Variants in GRIP1 observed in about 807,000 individuals in gnomAD.
GRIP1 encodes glutamate receptor interacting protein 1, also known as glutamate receptor-interacting protein 1.
A neutral mutation model predicts 129.9 loss-of-function variants in GRIP1; 45 were observed. The observed-to-expected ratio is 0.35, with a 90% CI of 0.27 to 0.44. The LOEUF (loss-of-function observed/expected upper bound fraction) is 0.44, where lower values mean the gene tolerates loss of function less well. Among genes scored for constraint, GRIP1 ranks in the 20% least tolerant of loss-of-function variants. GRIP1 has a pLI of 1.00. For missense variants in GRIP1, 1,196 were observed against 1,396.8 expected (o/e 0.86, Z 2.29); for synonymous variants, 530 against 520.8 (o/e 1.02, Z -0.24).
chr12:66,949,530 A>G (rs2041721835), intron 1 of GRIP1, among the ~76,000 whole-genome samples: 2 of 152,226 alleles, frequency 1.3e-5, no homozygotes, highest in Admixed American at 1.3e-4. Context: ...TTAAAGATGA[A>G]TTAAAAAAGT....
chr12:66,619,132 A>G lies in GRIP1; in HGVS notation c.56-22205T>C, dbSNP rs575968982. ...CCCAAGGAATGAAGATCAAGATAAG[A>G]CAAAATAAGATAAACTAGAACATAT... On this transcript the variant is annotated intron_variant, in intron 1 of 24. Transcript: ENST00000359742. Among the ~76,000 whole-genome samples the G allele has an allele frequency of 5.3e-5, 8 of 152,268 alleles. No individual in the cohort carries two copies. In the South Asian group the frequency reaches 1.0e-3, roughly 20 times the overall value.
At chr12:66,740,188 T>C (rs1048382708) in intron 1 of GRIP1, among the ~76,000 whole-genome samples, 4 of 152,212 alleles carry the variant, frequency 2.6e-5, no homozygotes, top group African/African-American at 9.7e-5. Flanking sequence ...AGATCACTGA[T>C]GATGAATATA....
intron 1 of GRIP1, among the ~76,000 whole-genome samples, chr12:66,841,103 A>G (rs994561972): frequency 1.3e-5 from 2 of 152,206 alleles, no homozygotes; most frequent in Admixed American, 6.5e-5. Flanking sequence ...CCATATTTTT[A>G]TCTGCAAAAT....
intron 1 of GRIP1, among the ~76,000 whole-genome samples, chr12:66,824,851 C>T (rs929681187): frequency 3.3e-5 from 5 of 151,896 alleles, no homozygotes; most frequent in Non-Finnish European, 7.4e-5. Context: ...TATGATAGCA[C>T]AAAATCATAT....
At chr12:66,998,277 A>C (rs192404816) in intron 1 of GRIP1, among the ~76,000 whole-genome samples, 31 of 152,334 alleles carry the variant, frequency 2.0e-4, no homozygotes, top group Middle Eastern at 3.4e-3. Flanking sequence ...TTCTATTAGA[A>C]AGGCTGGACC....
At chr12:66,386,749 C>G (rs1421053717) in intron 19 of GRIP1, among the ~76,000 whole-genome samples, 1 of 152,174 alleles carries the variant, frequency 6.6e-6, no homozygotes, top group Non-Finnish European at 1.5e-5. Flanking sequence ...GGAAAGAGAG[C>G]CAGTTAATTC....
intron 2 of GRIP1, among the ~76,000 whole-genome samples, chr12:66,576,262 T>A (rs1448156247): frequency 6.6e-6 from 1 of 152,240 alleles, no homozygotes. Flanking sequence ...GAGGATGGAC[T>A]ACCATGAACT....
In GRIP1 at chr12:66,347,739, T is replaced by G. The variant is rs939957928; in HGVS notation, c.*1280A>C. On this transcript the variant is annotated 3_prime_UTR_variant, in exon 25 of 25. Coordinates refer to ENST00000359742, the MANE Select transcript of GRIP1 (RefSeq NM_001366722.1). ...AATGTGATTGAAATAATATTTTTTTTGCACAAAAAGAAAGGTGATTTTTTT... is the reference window on the plus strand; with the variant it reads ...AATGTGATTGAAATAATATTTTTTTGGCACAAAAAGAAAGGTGATTTTTTT... The G allele has an allele frequency of 1.4e-5, 2 of 144,490 alleles. No homozygotes were observed. Among genetic ancestry groups the G allele is most frequent in the Non-Finnish European group, 1.5e-5 (1 of 66,462 alleles). The allele number at this position is 144,490 out of a possible 1,614,324, so 9.0% of individuals were successfully genotyped here.
intron 1 of GRIP1, among the ~76,000 whole-genome samples, chr12:66,728,519 G>T (rs980157243): frequency 2.6e-5 from 4 of 152,168 alleles, no homozygotes; most frequent in Non-Finnish European, 5.9e-5. Flanking sequence ...CCTTTCTCTG[G>T]AAGGGCACTT....
At chr12:66,862,733 C>T (rs11176462) in intron 1 of GRIP1, among the ~76,000 whole-genome samples, 12,807 of 152,020 alleles carry the variant, frequency 0.084, 588 homozygotes, top group Admixed American at 0.11. Context: ...TATCAACCTC[C>T]GAGGGATGAA....
chr12:66,979,227 A>AG (rs1566103908), intron 1 of GRIP1, among the ~76,000 whole-genome samples: 40 of 115,084 alleles, frequency 3.5e-4, no homozygotes, highest in African/African-American at 1.4e-3. Context: ...CTTCTTAAAA[A>AG]AAAAAAAAAA....
At chr12:66,479,087 A>AT (rs2059718816) in intron 7 of GRIP1, among the ~76,000 whole-genome samples, 1 of 119,682 alleles carries the variant, frequency 8.4e-6, no homozygotes, top group Non-Finnish European at 1.7e-5. Context: ...GTAGCCCTAA[A>AT]ATGTGAGAGA....
intron 1 of GRIP1, among the ~76,000 whole-genome samples, chr12:66,930,706 C>T (rs146072561): frequency 6.6e-6 from 1 of 152,244 alleles, no homozygotes; most frequent in Middle Eastern, 3.4e-3. Context: ...AATCCTTAAG[C>T]TTGATGACTC....
intron 14 of GRIP1, among the ~76,000 whole-genome samples, chr12:66,427,805 TAA>T (rs1271920055): frequency 6.6e-6 from 1 of 152,182 alleles, no homozygotes; most frequent in East Asian, 1.9e-4. Context: ...TTGCGGATCC[TAA>T]GTTTTTAGAC....
intron 1 of GRIP1, among the ~76,000 whole-genome samples, chr12:66,751,643 G>T (rs1319375247): frequency 1.3e-5 from 2 of 152,108 alleles, no homozygotes; most frequent in African/African-American, 4.8e-5. Context: ...TTCATGACTG[G>T]CTCTTAGGCA....
At chr12:66,827,000 TTCTC>T (rs1193474736) in intron 1 of GRIP1, among the ~76,000 whole-genome samples, 1 of 152,204 alleles carries the variant, frequency 6.6e-6, no homozygotes, top group Non-Finnish European at 1.5e-5. Flanking sequence ...TGTCTAAGAT[TTCTC>T]TCTCTTTCTT....
chr12:66,637,595 A>G (rs2031524414), intron 1 of GRIP1, among the ~76,000 whole-genome samples: 2 of 152,072 alleles, frequency 1.3e-5, no homozygotes, highest in Admixed American at 1.3e-4. Flanking sequence ...AATTTACAGA[A>G]GATAAACAGT....
rs138308771 is a variant in GRIP1, at chr12:66,350,321, A to C, written c.3160-1075T>G. Reference sequence around the variant, plus strand: ...GAGACCAGCCTGCCCAAAATGGTGAAACTCCATCTCTACTAGAAATACAAA... The same window carrying C: ...GAGACCAGCCTGCCCAAAATGGTGACACTCCATCTCTACTAGAAATACAAA... On this transcript the variant is annotated intron_variant, in intron 24 of 24. Coordinates refer to ENST00000359742, the MANE Select transcript of GRIP1 (RefSeq NM_001366722.1). 5.6e-3 allele frequency among the ~76,000 whole-genome samples: 856 copies of C among 151,970 alleles called. 3 individuals are homozygous for C. Among genetic ancestry groups the C allele is most frequent in the Non-Finnish European group, 9.1e-3 (616 of 67,952 alleles).
intron 13 of GRIP1, among the ~76,000 whole-genome samples, chr12:66,433,920 C>T (rs755690257): frequency 1.3e-5 from 2 of 152,132 alleles, no homozygotes; most frequent in Non-Finnish European, 2.9e-5. Flanking sequence ...GGCACTCAGG[C>T]CCTTAGCTTA....
Sources: gnomAD v4.1 joint callset for allele counts (sites outside exome capture counted in the v4.1 genomes callset) on GRCh38, gnomAD v4.1.1 for gene constraint, MANE v1.5 for transcripts, NCBI Gene and HGNC (gene_info 2026-07-23, HGNC 2026-07-21) for gene names.